Variants in RNLS observed in about 807,000 individuals in gnomAD.
The protein encoded by RNLS is renalase.
In RNLS, 39 loss-of-function variants were observed where a neutral mutation model predicts 39.8. The ratio of observed to expected loss-of-function variants is 0.98; its 90% CI spans 0.76 to 1.28. The LOEUF is 1.28. Ranked by LOEUF, RNLS falls within the 50% of genes most tolerant of loss-of-function variation. RNLS has a pLI of 0.00. For synonymous variants in RNLS, 147 were observed against 150.7 expected, an observed-to-expected ratio of 0.98 and a Z score of 0.18; for missense variants, 410 against 413.3, an observed-to-expected ratio of 0.99 and a Z score of 0.07.
At chr10:88,521,895 A>C (rs1480375261) in intron 4 of RNLS, among the ~76,000 whole-genome samples, 1 of 152,020 alleles carries the variant, frequency 6.6e-6, no homozygotes, top group Non-Finnish European at 1.5e-5. Context: ...TTAGCTAATA[A>C]GTGAACATTA....
chr10:88,434,541 A>G (rs909929581), intron 4 of RNLS, among the ~76,000 whole-genome samples: 2 of 152,168 alleles, frequency 1.3e-5, no homozygotes, highest in African/African-American at 4.8e-5. Flanking sequence ...TTTCTGAGCT[A>G]GTTGCTTAAC....
intron 4 of RNLS, among the ~76,000 whole-genome samples, chr10:88,502,905 GTTT>G (rs993418441): frequency 3.3e-5 from 5 of 151,538 alleles, no homozygotes. Flanking sequence ...GGAGAGAGAA[GTTT>G]TTTTTTCTTT....
At chr10:88,430,320 A>T (rs2133805070) in intron 4 of RNLS, among the ~76,000 whole-genome samples, 1 of 151,986 alleles carries the variant, frequency 6.6e-6, no homozygotes, top group Middle Eastern at 3.4e-3. Flanking sequence ...AAACAAATAC[A>T]GTTAAATTTT....
chr10:88,268,595 C>T, the RNLS span, among the ~76,000 whole-genome samples: 20,593 of 152,172 alleles, frequency 0.14, 2,033 homozygotes, highest in African/African-American at 0.27. Context: ...TTCCTACAGG[C>T]AGACAGGCCA....
chr10:88,577,244 G>A (rs900829455), intron 3 of RNLS, among the ~76,000 whole-genome samples: 4 of 152,148 alleles, frequency 2.6e-5, no homozygotes, highest in South Asian at 2.1e-4. Flanking sequence ...CTACTGACAC[G>A]TAGCACCAGG....
At chr10:88,413,210 T>C (rs1853803080) in intron 4 of RNLS, among the ~76,000 whole-genome samples, 1 of 152,170 alleles carries the variant, frequency 6.6e-6, no homozygotes, top group Non-Finnish European at 1.5e-5. Context: ...TGTCTTTCTT[T>C]CTTTGATCTT....
At chr10:88,204,283 A>G in the RNLS span, among the ~76,000 whole-genome samples, 1 of 152,198 alleles carries the variant, frequency 6.6e-6, no homozygotes, top group East Asian at 1.9e-4. Flanking sequence ...TTGAATGTAC[A>G]GATAAGCGTC....
At chr10:88,220,254 T>A in the RNLS span, among the ~76,000 whole-genome samples, 1 of 152,340 alleles carries the variant, frequency 6.6e-6, no homozygotes, top group Non-Finnish European at 1.5e-5. Flanking sequence ...ATACTTTGTT[T>A]TGAAATCTGC....
At chr10:88,495,888 C>T (rs561409832) in intron 4 of RNLS, among the ~76,000 whole-genome samples, 4 of 151,946 alleles carry the variant, frequency 2.6e-5, no homozygotes, top group East Asian at 3.9e-4. Context: ...TGTCAGGTGT[C>T]GGCTTCAAGT....
At chr10:88,374,506 C>T (rs899060649) in intron 4 of RNLS, among the ~76,000 whole-genome samples, 3 of 152,134 alleles carry the variant, frequency 2.0e-5, no homozygotes, top group Non-Finnish European at 2.9e-5. Flanking sequence ...CCTCCTTTTG[C>T]TTTCCTGCGC....
intron 6 of RNLS, among the ~76,000 whole-genome samples, chr10:88,287,600 A>G (rs1843362586): frequency 6.6e-6 from 1 of 152,112 alleles, no homozygotes; most frequent in Non-Finnish European, 1.5e-5. Context: ...AACTTCCCTG[A>G]GACTGGGTAA....
At chr10:88,262,901 C>G in the RNLS span, among the ~76,000 whole-genome samples, 3 of 152,062 alleles carry the variant, frequency 2.0e-5, no homozygotes, top group Admixed American at 1.3e-4. Context: ...ATTCTCGCCT[C>G]TATGGAGTCT....
chr10:88,498,199 C>T (rs1200535136), intron 4 of RNLS, among the ~76,000 whole-genome samples: 1 of 151,496 alleles, frequency 6.6e-6, no homozygotes, highest in Non-Finnish European at 1.5e-5. Flanking sequence ...GTTAACATCA[C>T]CAGTGATGAT....
At chr10:88,419,619 C>T (rs926840527) in intron 4 of RNLS, among the ~76,000 whole-genome samples, 4 of 152,026 alleles carry the variant, frequency 2.6e-5, no homozygotes, top group South Asian at 2.1e-4. Context: ...TATTCAGTTG[C>T]CTTTTGAAAA....
chr10:88,420,009 T>G (rs943719197), intron 4 of RNLS, among the ~76,000 whole-genome samples: 4 of 135,754 alleles, frequency 2.9e-5, no homozygotes, highest in African/African-American at 8.3e-5. Flanking sequence ...AAACTCCATC[T>G]CAAAATAAAT....
chr10:88,364,182 T>G (rs1265897129), intron 4 of RNLS, among the ~76,000 whole-genome samples: 2 of 152,128 alleles, frequency 1.3e-5, no homozygotes, highest in African/African-American at 4.8e-5. Context: ...TTAGGAAGGC[T>G]CATTCAGACA....
At chr10:88,173,450 T>C in the RNLS span, among the ~76,000 whole-genome samples, 4 of 152,256 alleles carry the variant, frequency 2.6e-5, no homozygotes, top group African/African-American at 7.2e-5. Context: ...TTGCTCAGTA[T>C]TGCTTTGGCT....
At chr10:88,203,368 G>A in the RNLS span, among the ~76,000 whole-genome samples, 2 of 1,766 alleles carry the variant, frequency 1.1e-3, 1 homozygote, top group Non-Finnish European at 2.7e-3. Flanking sequence ...GTATGTGTGT[G>A]TATATATATA....
chr10:88,431,637 T>C lies in RNLS; in HGVS notation c.527-68912A>G, dbSNP rs536842726. 9.9e-5 allele frequency among the ~76,000 whole-genome samples: 15 copies of C among 151,812 alleles called. No homozygotes were observed. The South Asian group carries it at 2.7e-3, about 27-fold the overall frequency. ...ACATAAATTTCCTCCAACATATTGG[T>C]TTAGCAGTATCCCAGAAATTCTGAT... On this transcript the variant is annotated intron_variant, in intron 4 of 6. Transcript: ENST00000331772.
Sources: allele counts gnomAD v4.1 joint callset (sites outside exome capture counted in the v4.1 genomes callset), GRCh38; gene constraint gnomAD v4.1.1; transcripts MANE v1.5; gene names NCBI Gene and HGNC (gene_info 2026-07-23, HGNC 2026-07-21).